Variants in CECR2 observed in about 807,000 individuals in gnomAD.
The protein encoded by CECR2 is CECR2 histone acetyl-lysine reader.
Under a neutral mutation model 154.5 loss-of-function variants are expected in CECR2, and 30 were observed. That is an observed-to-expected ratio of 0.19 (90% CI 0.15 to 0.26). The LOEUF (loss-of-function observed/expected upper bound fraction) is 0.26, where lower values mean the gene tolerates loss of function less well. Ranked by LOEUF, CECR2 falls within the 10% of genes least tolerant of loss-of-function variation. The pLI, the probability that CECR2 is intolerant of heterozygous loss-of-function variation, is 1.00. For synonymous variants in CECR2, 725 were observed against 683.7 expected, an observed-to-expected ratio of 1.06 and a Z score of -0.94; for missense variants, 1,743 against 1,829.3, an observed-to-expected ratio of 0.95 and a Z score of 0.86.
At chr22:17,381,938 A>AGTGG (rs1384615081) in intron 1 of CECR2, among the ~76,000 whole-genome samples, 1 of 150,362 alleles carries the variant, frequency 6.7e-6, no homozygotes, top group African/African-American at 2.5e-5. Context: ...CCCAGGCTGG[A>AGTGG]GTGCAGTGGC....
At chr22:17,519,016 T>G (rs1200154168) in intron 8 of CECR2, 1 of 179,720 alleles carries the variant, frequency 5.6e-6, no homozygotes, top group African/African-American at 2.4e-5. Flanking sequence ...TTCTCAAGAT[T>G]GAGAAATCCA....
At chr22:17,470,311 G>A (rs531739197) in intron 1 of CECR2, among the ~76,000 whole-genome samples, 7 of 149,306 alleles carry the variant, frequency 4.7e-5, no homozygotes, top group East Asian at 2.0e-4. Flanking sequence ...GGTGGTGCAC[G>A]ACTGTAGTCC....
chr22:17,421,862 C>G (rs1027334003), intron 1 of CECR2, among the ~76,000 whole-genome samples: 2 of 131,144 alleles, frequency 1.5e-5, no homozygotes, highest in Admixed American at 7.4e-5. Flanking sequence ...AAAAAAAAAA[C>G]AAAAAAAACT....
Position 17,405,255 on chromosome 22 carries a change from A to C in CECR2, c.126+35346A>C, listed in dbSNP as rs2146546823. On this transcript the variant is annotated intron_variant, in intron 1 of 18. Coordinates refer to ENST00000262608, the MANE Select transcript of CECR2 (RefSeq NM_001290047.2). ...TGAAACCTTGTCTCTACTAAAAAATACAAACAATTAGCTGGGCATGGTGGT... is the reference window on the plus strand; with the variant it reads ...TGAAACCTTGTCTCTACTAAAAAATCCAAACAATTAGCTGGGCATGGTGGT... 1.3e-5 allele frequency among the ~76,000 whole-genome samples: 2 copies of C among 152,138 alleles called. 1 individual carries two copies. Among genetic ancestry groups the C allele is most frequent in the South Asian group, 4.1e-4 (2 of 4,822 alleles).
chr22:17,408,463 C>T (rs960988101), intron 1 of CECR2, among the ~76,000 whole-genome samples: 3 of 151,978 alleles, frequency 2.0e-5, no homozygotes, highest in African/African-American at 7.3e-5. Flanking sequence ...CCATTTTTTT[C>T]TAAGTAAGAT....
In CECR2 at chr22:17,553,149, A is replaced by C; in HGVS notation, c.*309A>C. 1 of 346,406 alleles carries C rather than the reference A, an allele frequency of 2.9e-6. No individual in the cohort carries two copies. Among genetic ancestry groups the C allele is most frequent in the Non-Finnish European group, 4.8e-6 (1 of 207,010 alleles). 21.5% of individuals were successfully genotyped at this position (346,406 alleles called of 1,614,324 possible). A position where few individuals can be genotyped will look rare whatever the true frequency, so the allele number is the denominator to read the frequency against. On this transcript the variant is annotated 3_prime_UTR_variant, in exon 19 of 19. Coordinates refer to ENST00000262608, the MANE Select transcript of CECR2 (RefSeq NM_001290047.2). ...AAATCCTGAGACACTTTTCAGGGAA[A>C]ATCACTTTAAACTTGGGGGAGGGGG... is the stretch of plus-strand genomic sequence containing the variant.
At chr22:17,421,416 C>G (rs1470014615) in intron 1 of CECR2, among the ~76,000 whole-genome samples, 1 of 151,924 alleles carries the variant, frequency 6.6e-6, no homozygotes, top group Non-Finnish European at 1.5e-5. Flanking sequence ...GAGATCGAGA[C>G]CATCCCGGCT....
chr22:17,405,046 T>C (rs2053960524), intron 1 of CECR2, among the ~76,000 whole-genome samples: 1 of 152,190 alleles, frequency 6.6e-6, no homozygotes, highest in Non-Finnish European at 1.5e-5. Context: ...TCTCAACTCT[T>C]TAGGTATCTC....
At chr22:17,381,576 A>T (rs2063189618) in intron 1 of CECR2, among the ~76,000 whole-genome samples, 1 of 152,166 alleles carries the variant, frequency 6.6e-6, no homozygotes, top group African/African-American at 2.4e-5. Flanking sequence ...AAAAAGGGAA[A>T]ATCTCAAAAC....
chr22:17,514,509 T>G (rs1200697244), intron 8 of CECR2, among the ~76,000 whole-genome samples: 1 of 152,170 alleles, frequency 6.6e-6, no homozygotes, highest in Non-Finnish European at 1.5e-5. Flanking sequence ...TCTCTACCAT[T>G]TGCAACTGAC....
chr22:17,475,906 CA>C (rs1385123046), intron 1 of CECR2, among the ~76,000 whole-genome samples: 1 of 151,884 alleles, frequency 6.6e-6, no homozygotes, highest in Non-Finnish European at 1.5e-5. Flanking sequence ...TCTCCCCTCC[CA>C]CCCTCTACCA....
At chr22:17,518,596 A>C (rs16982598) in intron 8 of CECR2, 3 of 357,516 alleles carry the variant, frequency 8.4e-6, no homozygotes, top group Non-Finnish European at 1.7e-5. Context: ...TGTCACGTCT[A>C]TCTTTAGGAC....
chr22:17,425,002 A>G (rs1232014834), intron 1 of CECR2, among the ~76,000 whole-genome samples: 1 of 152,254 alleles, frequency 6.6e-6, no homozygotes, highest in Non-Finnish European at 1.5e-5. Flanking sequence ...TCTAATATCT[A>G]AAATTAAGGC....
chr22:17,538,866 C>T, intron 12 of CECR2, 127 bp from the exon 13 acceptor site: 1 of 1,325,488 alleles, frequency 7.5e-7, no homozygotes, highest in East Asian at 2.3e-5. Flanking sequence ...TGTGATGTTT[C>T]TCGTTTTATC....
chr22:17,375,302 C>T lies in CECR2; in HGVS notation c.126+5393C>T, dbSNP rs560873355. Among the ~76,000 whole-genome samples, 4 of 151,808 alleles carry T rather than the reference C, an allele frequency of 2.6e-5. 1 individual carries two copies. The highest frequency in any genetic ancestry group is 2.1e-4 in the South Asian group (1 of 4,780). On this transcript the variant is annotated intron_variant, in intron 1 of 18. Transcript: ENST00000262608. ...CTAATTTTTGTGTTTTTAGTACAGA[C>T]GGGGGTTTCTCGATGTTGGTCAGGC...
At chr22:17,472,397 C>G (rs1399193840) in intron 1 of CECR2, among the ~76,000 whole-genome samples, 1 of 152,210 alleles carries the variant, frequency 6.6e-6, no homozygotes, top group Non-Finnish European at 1.5e-5. Context: ...TCTTGGATAG[C>G]AGCTGGGACA....
At position 17,556,639 on chromosome 22, in the gene CECR2, G is replaced by T. The variant is rs1168548442; in HGVS notation, c.*3799G>T. 6.6e-6 allele frequency: 1 copy of T among 152,058 alleles called. No homozygotes were observed. The highest frequency in any genetic ancestry group is 1.5e-5 in the Non-Finnish European group (1 of 68,022). The allele number at this position is 152,058 out of a possible 1,614,324, so 9.4% of individuals were successfully genotyped here. A position where few individuals can be genotyped will look rare whatever the true frequency, so the allele number is the denominator to read the frequency against. ...ACCTGATTTGAAATTTCACAGGAAG[G>T]CCTAATCCTATAGTCACAAGGTAAG... On this transcript the variant is annotated 3_prime_UTR_variant, in exon 19 of 19. Transcript: ENST00000262608.
chr22:17,410,013 A>T (rs1179380373), intron 1 of CECR2, among the ~76,000 whole-genome samples: 1 of 106,840 alleles, frequency 9.4e-6, no homozygotes, highest in Non-Finnish European at 2.1e-5. Flanking sequence ...ACAGAGTCTC[A>T]CTCTGTCACC....
intron 1 of CECR2, among the ~76,000 whole-genome samples, chr22:17,426,615 C>A (rs867371658): frequency 1.3e-5 from 2 of 152,232 alleles, no homozygotes; most frequent in Non-Finnish European, 1.5e-5. Context: ...CCTCAGCCTC[C>A]CAAAGTGTTG....
Sources: allele counts gnomAD v4.1 joint callset (sites outside exome capture counted in the v4.1 genomes callset), GRCh38; gene constraint gnomAD v4.1.1; transcripts MANE v1.5; gene names NCBI Gene and HGNC (gene_info 2026-07-23, HGNC 2026-07-21).